Variants in IFI44 observed in about 807,000 individuals in gnomAD.
The protein encoded by IFI44 is interferon induced protein 44.
A neutral mutation model predicts 45.0 loss-of-function variants in IFI44; 42 were observed. That is an observed-to-expected ratio of 0.93 (90% CI 0.73 to 1.21). IFI44 has a LOEUF of 1.21. Ranked by LOEUF, IFI44 falls within the 50% of genes most tolerant of loss-of-function variation. The pLI, the probability that IFI44 is intolerant of heterozygous loss-of-function variation, is 0.00. For synonymous variants in IFI44, 221 were observed against 188.6 expected (o/e 1.17, Z -1.41); for missense variants, 623 against 525.8 (o/e 1.18, Z -1.81).
chr1:78,660,165 T>C (rs1484167673), intron 6 of IFI44, among the ~76,000 whole-genome samples: 3 of 152,234 alleles, frequency 2.0e-5, no homozygotes, highest in African/African-American at 7.2e-5. Flanking sequence ...ACACATTCTG[T>C]CTCTTTCTTG....
At chr1:78,658,081 GA>G (rs536343579) in intron 5 of IFI44, among the ~76,000 whole-genome samples, 457 of 151,592 alleles carry the variant, frequency 3.0e-3, no homozygotes, top group African/African-American at 0.01. Context: ...ACATTTTAAT[GA>G]AAAAAAATAA....
In IFI44 at chr1:78,655,197, G is replaced by T; in HGVS notation, c.678G>T (p.Gly226=). ...HQALVGTNTT[G]ISEKYRTYSI... is the part of the protein sequence containing the mutation. ...CTTTGGTGGGCACTAATACAACTGG[G>T]ATATCTGAGAAGGTAAGCACATTTG... is the stretch of plus-strand genomic sequence containing the variant. Residue 226 remains glycine (G), a synonymous_variant, in exon 4 of 9, where the codon GGG becomes GGT. Coordinates refer to ENST00000370747, the MANE Select transcript of IFI44 (RefSeq NM_006417.5). 6.2e-7 allele frequency: 1 copy of T among 1,613,178 alleles called. No homozygotes were observed. Among genetic ancestry groups the T allele is most frequent in the Non-Finnish European group, 8.5e-7 (1 of 1,179,514 alleles).
Position 78,662,803 on chromosome 1 carries a change from C to G in IFI44, c.1213C>G (p.Leu405Val), listed in dbSNP as rs140628091. 8.8e-4 allele frequency: 1,420 copies of G among 1,613,642 alleles called. 1 individual carries two copies. The highest frequency in any genetic ancestry group is 1.1e-3 in the Non-Finnish European group (1,307 of 1,179,878). Residue 405 changes from leucine to valine, a missense_variant, in exon 8 of 9, where the codon CTA (leucine) becomes GTA (valine). Transcript: ENST00000370747. Reference sequence around the variant, plus strand: ...GGAGCTGGACCCTGTAAAGGATGTTCTAATTCTTTCTGCTCTGAGACGAAT... The same window carrying G: ...GGAGCTGGACCCTGTAAAGGATGTTGTAATTCTTTCTGCTCTGAGACGAAT... ...EWELDPVKDV[L>V]ILSALRRMLW...
chr1:78,655,252 A>G (rs757851892), intron 4 of IFI44, 43 bp downstream of exon 4: 3 of 1,580,612 alleles, frequency 1.9e-6, no homozygotes, highest in Non-Finnish European at 1.7e-6. Context: ...TCTCTGTTCA[A>G]ATCAATTATA....
rs1253463609 is a variant in IFI44 at position 78,662,839 on chromosome 1, G to A, written c.1249G>A (p.Ala417Thr). Residue 417 changes from alanine (A) to threonine (T), a missense_variant, in exon 8 of 9, where the codon GCA becomes ACA. Coordinates refer to ENST00000370747, the MANE Select transcript of IFI44 (RefSeq NM_006417.5). ...TGCTCTGAGACGAATGCTATGGGCTGCAGATGACTTCTTAGAGGATTTGCC... is the reference window on the plus strand; with the variant it reads ...TGCTCTGAGACGAATGCTATGGGCTACAGATGACTTCTTAGAGGATTTGCC... The part of the protein sequence containing the change: ...LSALRRMLWA[A>T]DDFLEDLPFE... 3 of 1,613,578 alleles carry A rather than the reference G, an allele frequency of 1.9e-6. No homozygotes were observed. Among genetic ancestry groups the A allele is most frequent in the Admixed American group, 1.7e-5 (1 of 59,950 alleles).
At chr1:78,660,752 T>A (rs1489089172) in intron 7 of IFI44, 98 bp downstream of exon 7, 6 of 816,480 alleles carry the variant, frequency 7.3e-6, no homozygotes, top group Non-Finnish European at 1.3e-5. Context: ...CTACTGGGTT[T>A]AAGAAGAATT....
Position 78,650,306 on chromosome 1 carries a change from T to A in IFI44, c.111T>A (p.Asn37Lys). 6.2e-7 allele frequency: 1 copy of A among 1,614,096 alleles called. No individual in the cohort carries two copies. Among genetic ancestry groups the A allele is most frequent in the Non-Finnish European group, 8.5e-7 (1 of 1,179,980 alleles). The stretch of plus-strand genomic sequence containing the variant: ...AGGGTAGTGTCCATGGATTCCGTAA[T>A]GGAGTTTTGCTTGACAGATGTTGTA... ...LYKGSVHGFR[N>K]GVLLDRCCNQ... Residue 37 changes from asparagine to lysine, a missense_variant, in exon 2 of 9, where the codon AAT becomes AAA. Coordinates refer to ENST00000370747, the MANE Select transcript of IFI44 (RefSeq NM_006417.5).
chr1:78,663,027 A>AT (rs1647558626), intron 8 of IFI44, 149 bp downstream of exon 8: 3 of 1,504,138 alleles, frequency 2.0e-6, no homozygotes, highest in Non-Finnish European at 2.7e-6. Flanking sequence ...CCCTGGATGC[A>AT]TTTTTCCCTC....
intron 6 of IFI44, 104 bp downstream of exon 6, chr1:78,659,587 A>T (rs1039601294): frequency 1.2e-6 from 1 of 838,384 alleles, no homozygotes; most frequent in African/African-American, 1.7e-5. Context: ...AAGTCATTGC[A>T]TATTTCAATC....
At chr1:78,657,887 C>G (rs1647258977) in intron 5 of IFI44, among the ~76,000 whole-genome samples, 2 of 152,040 alleles carry the variant, frequency 1.3e-5, no homozygotes, top group Non-Finnish European at 2.9e-5. Context: ...AAAGCCTCTA[C>G]AATTTGGATC....
intron 8 of IFI44, 128 bp from the exon 9 acceptor site, chr1:78,663,637 C>G: frequency 1.4e-6 from 2 of 1,413,100 alleles, no homozygotes; most frequent in Non-Finnish European, 9.2e-7. Context: ...CATCCCTTCT[C>G]TTCCTCATGG....
At chr1:78,654,905 G>A (rs1033354541) in intron 3 of IFI44, 109 bp from the exon 4 acceptor site, 1 of 856,414 alleles carries the variant, frequency 1.2e-6, no homozygotes, top group South Asian at 2.7e-5. Flanking sequence ...AAGAAGTCAA[G>A]TTGCTAATCA....
chr1:78,663,687 G>C lies in IFI44; in HGVS notation c.1289-78G>C. The C allele has an allele frequency of 1.9e-6, 3 of 1,566,638 alleles. No homozygotes were observed. In the South Asian group the frequency reaches 3.6e-5, roughly 19 times the overall value. Reference sequence around the variant, plus strand: ...ATATTAGCGTTGGTTGAGATTTTCAGTGGTCCAATATTCCTCTTCCCTCTG... The same window carrying C: ...ATATTAGCGTTGGTTGAGATTTTCACTGGTCCAATATTCCTCTTCCCTCTG... On this transcript the variant is annotated intron_variant, in intron 8 of 8. Coordinates refer to ENST00000370747, the MANE Select transcript of IFI44 (RefSeq NM_006417.5).
Position 78,650,306 on chromosome 1 carries a change from T to G in IFI44, c.111T>G (p.Asn37Lys). The change falls in exon 2 of 9, where the codon AAT (asparagine) becomes AAG (lysine). Residue 37 changes from asparagine to lysine, a missense_variant. Transcript: ENST00000370747. ...LYKGSVHGFR[N>K]GVLLDRCCNQ... is the part of the protein sequence containing the mutation. ...AGGGTAGTGTCCATGGATTCCGTAA[T>G]GGAGTTTTGCTTGACAGATGTTGTA... 6.2e-7 allele frequency: 1 copy of G among 1,614,096 alleles called. No homozygotes were observed.
Position 78,655,159 on chromosome 1 carries a change from G to GT in IFI44, c.641dup (p.Thr215AsnfsTer9). 6.2e-7 allele frequency: 1 copy of GT among 1,614,008 alleles called. No homozygotes were observed. The highest frequency in any genetic ancestry group is 1.1e-5 in the South Asian group (1 of 91,082). On this transcript the variant is annotated frameshift_variant, in exon 4 of 9. Coordinates refer to ENST00000370747, the MANE Select transcript of IFI44 (RefSeq NM_006417.5). LOFTEE classifies it high-confidence loss of function. The stretch of plus-strand genomic sequence containing the variant: ...AGTGAGGTCTGTTTTCCAAGGGCAT[G>GT]TAACGCATCAGGCTTTGGTGGGCAC...
chr1:78,652,963 T>G (rs1281292169), intron 2 of IFI44, among the ~76,000 whole-genome samples: 2 of 152,148 alleles, frequency 1.3e-5, no homozygotes, highest in Non-Finnish European at 2.9e-5. Context: ...CTCCAAATCT[T>G]TTTCAGCATT....
In IFI44 at chr1:78,650,370, C is replaced by A; in HGVS notation, c.175C>A (p.His59Asn). The stretch of plus-strand genomic sequence containing the variant: ...TCTAACAGTGATTTATAGTGAAGAT[C>A]ATATTATTGGAGCATATGCAGAAGA... ...PTLTVIYSED[H>N]IIGAYAEESY... is the part of the protein sequence containing the mutation. The change falls in exon 2 of 9, where the codon CAT becomes AAT. Residue 59 changes from histidine to asparagine, a missense_variant. Transcript: ENST00000370747. 1 of 1,614,016 alleles carries A rather than the reference C, an allele frequency of 6.2e-7. No individual in the cohort carries two copies. The highest frequency in any genetic ancestry group is 1.1e-5 in the South Asian group (1 of 91,066).
chr1:78,657,414 T>C (rs977510220), intron 5 of IFI44, among the ~76,000 whole-genome samples: 2 of 152,080 alleles, frequency 1.3e-5, no homozygotes, highest in African/African-American at 4.8e-5. Context: ...TTTCTGTGTG[T>C]CCTGATTATT....
In IFI44 at chr1:78,655,523, CTAA is replaced by C. The variant is rs769049056; in HGVS notation, c.840+14_840+16del. ...GTGATAGATACCAGGTAATATTTGA[CTAA>C]TGAGAAATTATAACTGATTTTTAAA... On this transcript the variant is annotated intron_variant, in intron 5 of 8. Transcript: ENST00000370747. 1 of 1,590,136 alleles carries C rather than the reference CTAA, an allele frequency of 6.3e-7. No individual in the cohort carries two copies. Among genetic ancestry groups the C allele is most frequent in the Non-Finnish European group, 8.6e-7 (1 of 1,167,606 alleles).
Sources: allele counts gnomAD v4.1 joint callset (sites outside exome capture counted in the v4.1 genomes callset), GRCh38; gene constraint gnomAD v4.1.1; transcripts MANE v1.5; gene names NCBI Gene and HGNC (gene_info 2026-07-23, HGNC 2026-07-21).